SF3B6: variants seen among roughly 807,000 people sequenced by gnomAD.
SF3B6 encodes the protein splicing factor 3b subunit 6.
SF3B6 carries 3 observed loss-of-function variants against 15.9 expected under a neutral mutation model. That is an observed-to-expected ratio of 0.19 (90% CI 0.09 to 0.49). The LOEUF is 0.49. SF3B6 is among the 20% of genes least tolerant of loss of function. SF3B6 has a pLI of 0.97. For synonymous variants in SF3B6, 49 were observed against 51.1 expected, an observed-to-expected ratio of 0.96 and a Z score of 0.18; for missense variants, 71 against 154.3, an observed-to-expected ratio of 0.46 and a Z score of 2.86.
At chr2:24,073,576 A>G (rs1478018155) in intron 2 of SF3B6, 3 of 152,366 alleles carry the variant, frequency 2.0e-5, no homozygotes, top group Non-Finnish European at 4.4e-5. Flanking sequence ...GTTTTCCTCT[A>G]TACTTTTACA....
Position 24,076,276 on chromosome 2 carries a change from G to T in SF3B6, c.-47C>A, listed in dbSNP as rs749282692. ...CCGTAGCAGATACTGAAATTCCTCC[G>T]GAGCTCGCTCGGCTTCGGGGGTTAC... On this transcript the variant is annotated 5_prime_UTR_variant, in exon 1 of 4. Coordinates refer to ENST00000233468, the MANE Select transcript of SF3B6 (RefSeq NM_016047.4). The T allele has an allele frequency of 6.2e-7, 1 of 1,613,336 alleles. No homozygotes were observed. Among genetic ancestry groups the T allele is most frequent in the African/African-American group, 1.3e-5 (1 of 74,894 alleles).
At chr2:24,071,200 T>C (rs1243973262) in intron 2 of SF3B6, among the ~76,000 whole-genome samples, 1 of 152,088 alleles carries the variant, frequency 6.6e-6, no homozygotes, top group East Asian at 1.9e-4. Flanking sequence ...ACCATGTTGG[T>C]CAGGCTGTTC....
intron 1 of SF3B6, 130 bp from the exon 2 acceptor site, chr2:24,074,324 G>A: frequency 1.7e-6 from 1 of 575,328 alleles, no homozygotes; most frequent in Non-Finnish European, 3.0e-6. Context: ...CCAAGAATAA[G>A]AGGTATAATT....
At chr2:24,076,133 C>G (rs1200325699) in intron 1 of SF3B6, 67 bp downstream of exon 1, 1 of 1,597,492 alleles carries the variant, frequency 6.3e-7, no homozygotes, top group Non-Finnish European at 8.6e-7. Flanking sequence ...AAGAATGCTC[C>G]GATCCACGCC....
At chr2:24,070,910 T>G (rs1664642235) in intron 2 of SF3B6, among the ~76,000 whole-genome samples, 1 of 152,204 alleles carries the variant, frequency 6.6e-6, no homozygotes, top group Admixed American at 6.5e-5. Flanking sequence ...AATACAATAG[T>G]GAAAAAGATA....
chr2:24,070,622 C>G (rs1664638635), intron 2 of SF3B6, among the ~76,000 whole-genome samples: 1 of 152,136 alleles, frequency 6.6e-6, no homozygotes, highest in South Asian at 2.1e-4. Context: ...CTGCTACATG[C>G]CAGGTAGGGT....
chr2:24,070,911 GAAAAA>G (rs1664642311), intron 2 of SF3B6, among the ~76,000 whole-genome samples: 1 of 152,152 alleles, frequency 6.6e-6, no homozygotes, highest in Admixed American at 6.5e-5. Flanking sequence ...ATACAATAGT[GAAAAA>G]GATAAGCATC....
At chr2:24,074,427 G>A (rs1664701269) in intron 1 of SF3B6, among the ~76,000 whole-genome samples, 1 of 152,140 alleles carries the variant, frequency 6.6e-6, no homozygotes, top group Admixed American at 6.5e-5. Context: ...GGGAGGCAAA[G>A]TGGGAGGATC....
chr2:24,067,867 G>A lies in SF3B6; in HGVS notation c.289-16C>T. On this transcript the variant is annotated splice_polypyrimidine_tract_variant and intron_variant, in intron 3 of 3. Coordinates refer to ENST00000233468, the MANE Select transcript of SF3B6 (RefSeq NM_016047.4). ...TCTGAAATGCCTGGAAATGTGGTAA[G>A]CACCAAAATTAAATTACCAATCTAC... The A allele has an allele frequency of 6.2e-7, 1 of 1,606,348 alleles. No homozygotes were observed. Among genetic ancestry groups the A allele is most frequent in the Non-Finnish European group, 8.5e-7 (1 of 1,175,172 alleles).
intron 2 of SF3B6, 76 bp from the exon 3 acceptor site, chr2:24,068,535 T>C: frequency 7.6e-7 from 1 of 1,313,414 alleles, no homozygotes; most frequent in Non-Finnish European, 1.0e-6. Context: ...AACTGTCTTT[T>C]AAACTGGTAA....
At chr2:24,073,804 G>T in intron 2 of SF3B6, 1 of 245,954 alleles carries the variant, frequency 4.1e-6, no homozygotes, top group Non-Finnish European at 7.7e-6. Flanking sequence ...TTCTCAACCA[G>T]TTTCCTCAAA....
At position 24,076,256 on chromosome 2, in the gene SF3B6, G is replaced by A; in HGVS notation, c.-27C>T. 6.2e-7 allele frequency: 1 copy of A among 1,614,176 alleles called. No individual in the cohort carries two copies. The highest frequency in any genetic ancestry group is 8.5e-7 in the Non-Finnish European group (1 of 1,180,006). ...TTGGCGGGCTGATGAAGTTACCGTA[G>A]CAGATACTGAAATTCCTCCGGAGCT... On this transcript the variant is annotated 5_prime_UTR_variant, in exon 1 of 4. Coordinates refer to ENST00000233468, the MANE Select transcript of SF3B6 (RefSeq NM_016047.4).
chr2:24,074,657 A>G (rs13416994), intron 1 of SF3B6, among the ~76,000 whole-genome samples: 17,537 of 152,180 alleles, frequency 0.12, 1,222 homozygotes, highest in South Asian at 0.18. Context: ...GACATGACCA[A>G]TTGAAATACT....
At chr2:24,071,333 G>A (rs1227139347) in intron 2 of SF3B6, among the ~76,000 whole-genome samples, 5 of 152,270 alleles carry the variant, frequency 3.3e-5, no homozygotes, top group South Asian at 4.1e-4. Context: ...GGCTTGGCAC[G>A]GTGGCTCATG....
chr2:24,075,804 A>G (rs575728526), intron 1 of SF3B6, among the ~76,000 whole-genome samples: 30 of 152,176 alleles, frequency 2.0e-4, no homozygotes, highest in African/African-American at 6.7e-4. Context: ...TTAATGAAGG[A>G]TCCGAAAAGC....
At chr2:24,074,306 A>AT (rs993054300) in intron 1 of SF3B6, 112 bp from the exon 2 acceptor site, 18 of 594,770 alleles carry the variant, frequency 3.0e-5, no homozygotes, top group African/African-American at 3.0e-4. Context: ...ATACGTAATA[A>AT]TAAAAAGCCA....
intron 2 of SF3B6, among the ~76,000 whole-genome samples, chr2:24,068,914 T>C (rs1265885599): frequency 6.6e-6 from 1 of 152,224 alleles, no homozygotes; most frequent in Non-Finnish European, 1.5e-5. Flanking sequence ...TGGCACAATC[T>C]CAGCTCATTG....
chr2:24,073,237 A>T (rs1296046969), intron 2 of SF3B6, among the ~76,000 whole-genome samples: 1 of 152,386 alleles, frequency 6.6e-6, no homozygotes, highest in Non-Finnish European at 1.5e-5. Flanking sequence ...ATACGTAGTC[A>T]TTACTGTGGT....
rs151076864 is a variant in SF3B6 at position 24,072,237 on chromosome 2, C to T, written c.149+1839G>A. Among the ~76,000 whole-genome samples, 211 of 152,234 alleles carry T rather than the reference C, an allele frequency of 1.4e-3. 1 individual carries two copies. The highest frequency in any genetic ancestry group is 5.0e-3 in the African/African-American group (206 of 41,520). ...CTAACCTCTGGTGATCTGCCTGTCT[C>T]GGCCTCCCAAAGTGCCGGGATTACA... On this transcript the variant is annotated intron_variant, in intron 2 of 3. Transcript: ENST00000233468.
Sources: allele counts gnomAD v4.1 joint callset (sites outside exome capture counted in the v4.1 genomes callset), GRCh38; gene constraint gnomAD v4.1.1; transcripts MANE v1.5; gene names NCBI Gene and HGNC (gene_info 2026-07-23, HGNC 2026-07-21).